Variants in UGT1A4 observed in about 807,000 individuals in gnomAD.
UGT1A4 encodes UDP glucuronosyltransferase family 1 member A4, also known as UDP-glucuronosyltransferase 1A4.
UGT1A4 carries 32 observed loss-of-function variants against 41.1 expected under a neutral mutation model. The ratio of observed to expected loss-of-function variants is 0.78; its 90% CI spans 0.59 to 1.05. The LOEUF (loss-of-function observed/expected upper bound fraction) is 1.05. Among genes scored for constraint, UGT1A4 ranks in the 50% least tolerant of loss-of-function variants. UGT1A4 has a pLI of 0.00. For synonymous variants in UGT1A4, 283 were observed against 265.1 expected (o/e 1.07, Z -0.66); for missense variants, 748 against 677.4 (o/e 1.10, Z -1.16).
intron 1 of UGT1A4, among the ~76,000 whole-genome samples, chr2:233,725,586 A>G (rs1194596370): frequency 6.6e-6 from 1 of 152,166 alleles, no homozygotes; most frequent in East Asian, 1.9e-4. Context: ...TTATGACTTA[A>G]CTATTTGACA....
intron 1 of UGT1A4, among the ~76,000 whole-genome samples, chr2:233,722,815 A>G: frequency 6.6e-6 from 1 of 151,158 alleles, no homozygotes; most frequent in East Asian, 1.9e-4. Context: ...TTATTTTTTC[A>G]AGTTATTTTG....
intron 1 of UGT1A4, among the ~76,000 whole-genome samples, chr2:233,730,506 A>G (rs2078042097): frequency 6.6e-6 from 1 of 152,128 alleles, no homozygotes; most frequent in Non-Finnish European, 1.5e-5. Flanking sequence ...AGAGAGGTTG[A>G]CTCAGTGGAA....
chr2:233,754,979 G>C lies in UGT1A4; in HGVS notation c.868-12055G>C, dbSNP rs541611005. 93 of 1,297,796 alleles carry C rather than the reference G, an allele frequency of 7.2e-5. No homozygotes were observed. In the African/African-American group the frequency reaches 1.2e-3, roughly 17 times the overall value. The allele number at this position is 1,297,796 out of a possible 1,614,324, so 80.4% of individuals were successfully genotyped here. A position where few individuals can be genotyped will look rare whatever the true frequency, so the allele number is the denominator to read the frequency against. On this transcript the variant is annotated intron_variant, in intron 1 of 4. Coordinates refer to ENST00000373409, the MANE Select transcript of UGT1A4 (RefSeq NM_007120.3). The stretch of plus-strand genomic sequence containing the variant: ...CGCCAAAGAACTCCCTGAAGACCTC[G>C]GCGGGGTCACGGAAGCTGAAGACCT...
intron 1 of UGT1A4, among the ~76,000 whole-genome samples, chr2:233,766,527 C>T (rs182363342): frequency 4.6e-5 from 7 of 152,118 alleles, no homozygotes; most frequent in Non-Finnish European, 7.3e-5. Context: ...AACATTTAGG[C>T]AGGAAAACAA....
chr2:233,762,985 T>A (rs544731123), intron 1 of UGT1A4, among the ~76,000 whole-genome samples: 2 of 152,238 alleles, frequency 1.3e-5, no homozygotes, highest in Non-Finnish European at 2.9e-5. Flanking sequence ...GCTATTTTAG[T>A]GGAAATTGAT....
intron 2 of UGT1A4, 76 bp from the exon 3 acceptor site, chr2:233,767,773 C>G: frequency 6.2e-7 from 1 of 1,611,908 alleles, no homozygotes; most frequent in Admixed American, 1.7e-5. Flanking sequence ...CCCCTGTTTT[C>G]TAGTTAGTAT....
intron 1 of UGT1A4, chr2:233,743,281 T>C (rs1273336134): frequency 4.0e-6 from 2 of 496,058 alleles, no homozygotes; most frequent in East Asian, 1.4e-4. Flanking sequence ...CACCCTTTCT[T>C]GGCCATTCTC....
At chr2:233,735,547 G>A (rs571609142) in intron 1 of UGT1A4, among the ~76,000 whole-genome samples, 2 of 152,250 alleles carry the variant, frequency 1.3e-5, no homozygotes, top group South Asian at 4.1e-4. Flanking sequence ...ATTTGATCCT[G>A]TCATTATGGT....
At position 233,747,700 on chromosome 2, in the gene UGT1A4, A is replaced by G. The variant is rs538337941; in HGVS notation, c.868-19334A>G. On this transcript the variant is annotated intron_variant, in intron 1 of 4. Transcript: ENST00000373409. ...TACCTCTGTGGGGCAGTGCTGGCTA[A>G]GTACCTATCAATTCCTGCTGTGTTT... 8 of 1,612,196 alleles carry G rather than the reference A, an allele frequency of 5.0e-6. No individual in the cohort carries two copies. In the East Asian group the frequency reaches 8.9e-5, roughly 18 times the overall value.
intron 1 of UGT1A4, chr2:233,755,366 T>A (rs938544322): frequency 6.9e-5 from 25 of 362,910 alleles, no homozygotes; most frequent in African/African-American, 5.3e-4. Flanking sequence ...CTGGGCCGCC[T>A]GGAGGGCCGC....
intron 1 of UGT1A4, among the ~76,000 whole-genome samples, chr2:233,763,098 A>G (rs1698235634): frequency 6.6e-6 from 1 of 152,204 alleles, no homozygotes; most frequent in South Asian, 2.1e-4. Context: ...TAGGAGAGGC[A>G]CCGAACTTTA....
intron 1 of UGT1A4, among the ~76,000 whole-genome samples, chr2:233,720,721 CTT>C (rs1479620216): frequency 1.4e-5 from 1 of 71,278 alleles, no homozygotes; most frequent in Non-Finnish European, 3.0e-5. Context: ...TTTTTTTTTT[CTT>C]GAGACTGAGC....
chr2:233,736,812 A>G (rs2078811468), intron 1 of UGT1A4, among the ~76,000 whole-genome samples: 1 of 152,062 alleles, frequency 6.6e-6, no homozygotes, highest in South Asian at 2.1e-4. Context: ...CTGGAGGTCC[A>G]CTCCAGATGC....
intron 1 of UGT1A4, among the ~76,000 whole-genome samples, chr2:233,726,089 C>T (rs567639330): frequency 3.9e-5 from 6 of 152,122 alleles, no homozygotes; most frequent in Non-Finnish European, 7.3e-5. Flanking sequence ...TTACTTGATC[C>T]GAGGAGGTGG....
chr2:233,769,852 T>G lies in UGT1A4; in HGVS notation c.1307+1413T>G. On this transcript the variant is annotated intron_variant, in intron 4 of 4. Transcript: ENST00000373409. The surrounding 1 kb of genome is among the most constrained non-coding windows in gnomAD (Gnocchi z 4.4). ...CAACCTGGGCAACAGAGTGAGACCC[T>G]GTCTCAAAAAAAAAAAAAAAAATGA... 1.1e-5 allele frequency: 5 copies of G among 461,196 alleles called. No homozygotes were observed. Among genetic ancestry groups the G allele is most frequent in the Non-Finnish European group, 1.0e-5 (3 of 289,680 alleles). 28.6% of individuals were successfully genotyped at this position (461,196 alleles called of 1,614,324 possible).
At position 233,767,929 on chromosome 2, in the gene UGT1A4, T is replaced by A; in HGVS notation, c.1080T>A (p.Asp360Glu). 1 of 1,614,196 alleles carries A rather than the reference T, an allele frequency of 6.2e-7. No individual in the cohort carries two copies. Among genetic ancestry groups the A allele is most frequent in the South Asian group, 1.1e-5 (1 of 91,080 alleles). The change falls in exon 3 of 5, where the codon GAT becomes GAA. Residue 360 changes from aspartate to glutamate, a missense_variant. By Grantham distance (45) the Asp-to-Glu change is conservative. Coordinates refer to ENST00000373409, the MANE Select transcript of UGT1A4 (RefSeq NM_007120.3). ...TTGTTAAGTGGCTACCCCAAAACGA[T>A]CTGCTTGGTATGTTGGGCGGATTGG... ...TILVKWLPQN[D>E]LLGHPMTRAF...
chr2:233,760,740 C>T (rs2125987447), intron 1 of UGT1A4: 1 of 1,614,120 alleles, frequency 6.2e-7, no homozygotes, highest in Non-Finnish European at 8.5e-7. Context: ...TGCTGACGGA[C>T]CCTTTCCTTC....
chr2:233,723,051 G>T (rs1327620442), intron 1 of UGT1A4, among the ~76,000 whole-genome samples: 1 of 141,468 alleles, frequency 7.1e-6, no homozygotes, highest in Non-Finnish European at 1.5e-5. Context: ...GGCACACTCG[G>T]TGTAACTTTA....
chr2:233,757,503 A>G (rs1469765233), intron 1 of UGT1A4, among the ~76,000 whole-genome samples: 5 of 137,398 alleles, frequency 3.6e-5, no homozygotes, highest in African/African-American at 1.1e-4. Context: ...GAGTGATAGC[A>G]TGATTCCAAA....
Sources: gnomAD v4.1 joint callset for allele counts (sites outside exome capture counted in the v4.1 genomes callset) on GRCh38, gnomAD v4.1.1 for gene constraint, Gnocchi (gnomAD v3.1) non-coding constraint, MANE v1.5 for transcripts, NCBI Gene and HGNC (gene_info 2026-07-23, HGNC 2026-07-21) for gene names.